The following ALG9 variants were observed in gnomAD, a reference collection of about 807,000 sequenced individuals.
The protein encoded by ALG9 is ALG9 alpha-1,2-mannosyltransferase.
Under a neutral mutation model 81.8 loss-of-function variants are expected in ALG9, and 55 were observed. The ratio of observed to expected loss-of-function variants is 0.67; its 90% confidence interval spans 0.54 to 0.84. The LOEUF is 0.84. Ranked by LOEUF, ALG9 falls within the 40% of genes least tolerant of loss-of-function variation. The probability of loss-of-function intolerance (pLI) is 0.00; values close to 1 mark genes in which losing one functional copy is unlikely to be tolerated. For synonymous variants in ALG9, 278 were observed against 274.3 expected, an observed-to-expected ratio of 1.01 and a Z score of -0.13; for missense variants, 629 against 745.0, an observed-to-expected ratio of 0.84 and a Z score of 1.81.
chr11:111,849,195 C>T (rs1467557253), intron 8 of ALG9, among the ~76,000 whole-genome samples: 1 of 152,048 alleles, frequency 6.6e-6, no homozygotes, highest in Non-Finnish European at 1.5e-5. Context: ...GGATTAAAGG[C>T]ATGCACCACC....
At chr11:111,788,688 G>C (rs1039752723) in intron 14 of ALG9, 2 of 350,330 alleles carry the variant, frequency 5.7e-6, no homozygotes, top group Non-Finnish European at 1.1e-5. Flanking sequence ...AGGAGGTTGA[G>C]GCTGCAGTGA....
intron 14 of ALG9, among the ~76,000 whole-genome samples, chr11:111,807,229 T>C (rs1190755986): frequency 6.6e-6 from 1 of 152,180 alleles, no homozygotes; most frequent in African/African-American, 2.4e-5. Flanking sequence ...GGCCTTTCAA[T>C]AGCCTACAAA....
chr11:111,807,843 G>C (rs1163819671), intron 14 of ALG9, among the ~76,000 whole-genome samples: 1 of 152,176 alleles, frequency 6.6e-6, no homozygotes, highest in Non-Finnish European at 1.5e-5. Context: ...CCAGCACTTT[G>C]GGAGGCTGAG....
intron 14 of ALG9, among the ~76,000 whole-genome samples, chr11:111,790,825 A>G (rs931583616): frequency 1.3e-5 from 2 of 152,236 alleles, no homozygotes; most frequent in Non-Finnish European, 2.9e-5. Flanking sequence ...TCAAACACTG[A>G]TGAGGAATCA....
intron 14 of ALG9, among the ~76,000 whole-genome samples, chr11:111,796,110 G>A (rs566646488): frequency 1.2e-3 from 184 of 152,312 alleles, no homozygotes; most frequent in Non-Finnish European, 2.1e-3. Context: ...CAATGAGTAT[G>A]TCTTAAAATA....
chr11:111,814,427 T>C (rs1383106329), intron 13 of ALG9, among the ~76,000 whole-genome samples: 1 of 152,198 alleles, frequency 6.6e-6, no homozygotes, highest in Non-Finnish European at 1.5e-5. Context: ...GGGGAGCTCC[T>C]GGGTGCTGGC....
intron 14 of ALG9, among the ~76,000 whole-genome samples, chr11:111,799,095 A>G (rs1948721874): frequency 6.6e-6 from 1 of 152,190 alleles, no homozygotes; most frequent in Non-Finnish European, 1.5e-5. Flanking sequence ...TGTCCCAATC[A>G]TCTTTAGGTT....
At chr11:111,804,954 T>A in intron 14 of ALG9, 1 of 200,172 alleles carries the variant, frequency 5.0e-6, no homozygotes, top group South Asian at 8.7e-5. Flanking sequence ...ATCATACGCC[T>A]TGGTATTACC....
intron 4 of ALG9, among the ~76,000 whole-genome samples, chr11:111,861,101 G>C (rs1360484022): frequency 6.6e-6 from 1 of 152,204 alleles, no homozygotes; most frequent in Non-Finnish European, 1.5e-5. Context: ...CTGGCACATA[G>C]TTGCTCAATA....
chr11:111,860,691 A>G (rs1959773723), intron 4 of ALG9, 56 bp from the exon 5 acceptor site: 1 of 1,377,672 alleles, frequency 7.3e-7, no homozygotes, highest in Non-Finnish European at 1.0e-6. Flanking sequence ...GACATTTCAA[A>G]TCAAAGGAGA....
At chr11:111,780,357 C>T (rs1205021892), downstream of ALG9, among the ~76,000 whole-genome samples, 1 of 151,518 alleles carries the variant, frequency 6.6e-6, no homozygotes, top group East Asian at 1.9e-4. Context: ...TTTTTGAGTA[C>T]TACAGGCAGG....
intron 14 of ALG9, among the ~76,000 whole-genome samples, chr11:111,793,234 G>A (rs1947700885): frequency 6.6e-6 from 1 of 152,046 alleles, no homozygotes; most frequent in Non-Finnish European, 1.5e-5. Context: ...CTCCCACCTT[G>A]GCCTCCCAAA....
downstream of ALG9, chr11:111,778,350 G>T (rs1279219783): frequency 6.6e-6 from 1 of 152,172 alleles, no homozygotes; most frequent in Non-Finnish European, 1.5e-5. Flanking sequence ...TTTTTTTCCA[G>T]ATGAGTTGTC....
At chr11:111,802,478 A>G (rs1949279101) in intron 14 of ALG9, among the ~76,000 whole-genome samples, 1 of 152,222 alleles carries the variant, frequency 6.6e-6, no homozygotes, top group Non-Finnish European at 1.5e-5. Flanking sequence ...AGAAAAGGCA[A>G]TCTATAGAAG....
intron 9 of ALG9, among the ~76,000 whole-genome samples, chr11:111,842,966 CAG>C (rs1228805679): frequency 6.6e-6 from 1 of 151,534 alleles, no homozygotes; most frequent in Non-Finnish European, 1.5e-5. Flanking sequence ...TTTTTAAAAA[CAG>C]AGACACAGGT....
downstream of ALG9, among the ~76,000 whole-genome samples, chr11:111,778,801 A>ATTTTC (rs1186663265): frequency 1.3e-5 from 2 of 148,964 alleles, no homozygotes; most frequent in African/African-American, 5.0e-5. Context: ...GATAGTGGCA[A>ATTTTC]TTTTCTTTTC....
chr11:111,782,408 C>T lies in ALG9; in HGVS notation c.*3989G>A, dbSNP rs1407076896. ...AAGGCAACATTCAGATTTACAGATA[C>T]ACCAGAAAGCCTCTGAAATCCAACG... On this transcript the variant is annotated 3_prime_UTR_variant, in exon 15 of 15. Transcript: ENST00000616540. 2 of 152,596 alleles carry T rather than the reference C, an allele frequency of 1.3e-5. No individual in the cohort carries two copies. Among genetic ancestry groups the T allele is most frequent in the Non-Finnish European group, 2.9e-5 (2 of 68,038 alleles). The allele number at this position is 152,596 out of a possible 1,614,324, so 9.5% of individuals were successfully genotyped here. A position where few individuals can be genotyped will look rare whatever the true frequency, so the allele number is the denominator to read the frequency against.
chr11:111,803,504 A>G (rs368572831), intron 14 of ALG9, among the ~76,000 whole-genome samples: 3 of 98 alleles, frequency 0.031, no homozygotes, highest in African/African-American at 0.053. Context: ...CCATCTCAGG[A>G]AAAAAAAAAA....
chr11:111,841,064 T>C (rs577926986), intron 9 of ALG9, among the ~76,000 whole-genome samples: 1 of 152,300 alleles, frequency 6.6e-6, no homozygotes, highest in African/African-American at 2.4e-5. Flanking sequence ...CACATATAAA[T>C]GTCAAGTTAA....
Sources: gnomAD v4.1 joint callset for allele counts (sites outside exome capture counted in the v4.1 genomes callset) on GRCh38, gnomAD v4.1.1 for gene constraint, MANE v1.5 for transcripts, NCBI Gene and HGNC (gene_info 2026-07-23, HGNC 2026-07-21) for gene names.